The following FHIP1B variants were observed in gnomAD, a reference collection of about 807,000 sequenced individuals.
The protein encoded by FHIP1B is FHF complex subunit HOOK-interacting protein 1B.
Under a neutral mutation model 82.2 loss-of-function variants are expected in FHIP1B, and 28 were observed. The observed-to-expected ratio is 0.34, with a 90% CI of 0.25 to 0.47. The LOEUF (loss-of-function observed/expected upper bound fraction) is 0.47. Ranked by LOEUF, FHIP1B falls within the 20% of genes least tolerant of loss-of-function variation. FHIP1B has a pLI of 1.00. For missense variants in FHIP1B, 1,110 were observed against 1,262.6 expected (o/e 0.88, Z 1.83); for synonymous variants, 585 against 516.1 (o/e 1.13, Z -1.81).
rs59502569 is a variant in FHIP1B, at chr11:6,214,034, GAAAAAAA to G, written c.2557+370_2557+376del. 2.8e-3 allele frequency among the ~76,000 whole-genome samples: 102 copies of G among 36,632 alleles called. No homozygotes were observed. The East Asian group carries it at 0.064, about 23-fold the overall frequency. The allele number at this position is 36,632 out of a possible 152,430, so 24.0% of individuals were successfully genotyped here. On this transcript the variant is annotated intron_variant, in intron 11 of 11. Transcript: ENST00000449352. The stretch of plus-strand genomic sequence containing the variant: ...AACTAAACAGTCCAGGACCTCTCCT[GAAAAAAA>G]AAAAAAAAAAAAAAAAAAAAAAGAT...
chr11:6,214,888 C>A lies in FHIP1B; in HGVS notation c.2239G>T (p.Ala747Ser). 1 of 1,595,452 alleles carries A rather than the reference C, an allele frequency of 6.3e-7. No individual in the cohort carries two copies. ...FTGPFMAVLFAKLENMLQNSV... is the reference protein window; with the variant it reads ...FTGPFMAVLFSKLENMLQNSV... Reference sequence around the variant, plus strand: ...TTCTGCAGCATGTTCTCGAGTTTGGCAAAGAGCACAGCCATGAAGGGGCCT... The same window carrying A: ...TTCTGCAGCATGTTCTCGAGTTTGGAAAAGAGCACAGCCATGAAGGGGCCT... The change falls in exon 10 of 12, where the codon GCC becomes TCC. Residue 747 changes from alanine to serine, a missense_variant. By Grantham distance (99) the Ala-to-Ser change is moderately conservative. Transcript: ENST00000449352.
chr11:6,216,151 G>C (rs894900356), intron 9 of FHIP1B, among the ~76,000 whole-genome samples: 3 of 152,244 alleles, frequency 2.0e-5, no homozygotes, highest in Non-Finnish European at 4.4e-5. Context: ...GAGCTGAAAG[G>C]AACAGAGCAG....
chr11:6,214,990 G>C, intron 9 of FHIP1B, 79 bp from the exon 10 acceptor site: 2 of 1,331,336 alleles, frequency 1.5e-6, no homozygotes, highest in Non-Finnish European at 2.0e-6. Context: ...CCCAAAACAA[G>C]AGACCCCCAC....
intron 6 of FHIP1B, 61 bp downstream of exon 6, chr11:6,222,381 C>A: frequency 6.3e-7 from 1 of 1,585,380 alleles, no homozygotes; most frequent in Non-Finnish European, 8.6e-7. Context: ...CCTCCCAGAA[C>A]AAAGGTCAGA....
rs144159782 is a variant in FHIP1B, at chr11:6,219,936, T to C, written c.1192-886A>G. The stretch of plus-strand genomic sequence containing the variant: ...AAAACACGTGACAGCAGTTCACATT[T>C]TGAATAGCATGGATGTTCAGGAGGC... On this transcript the variant is annotated intron_variant, in intron 6 of 11. Transcript: ENST00000449352. Among the ~76,000 whole-genome samples, 7 of 152,370 alleles carry C rather than the reference T, an allele frequency of 4.6e-5. No individual in the cohort carries two copies. The East Asian group carries it at 1.3e-3, about 29-fold the overall frequency.
Position 6,214,432 on chromosome 11 carries a change from G to A in FHIP1B, c.2536C>T (p.Pro846Ser). The part of the protein sequence containing the change: ...WAEGPAAGPA[P>S]RRSDPLVKSR... ...TCACCTAGGGGATCAGAACGGCGTG[G>A]GGCAGGTCCTGCTGCAGGGCCCTCA... Residue 846 changes from proline (P) to serine (S), a missense_variant, in exon 11 of 12, where the codon CCA becomes TCA. This residue lies in a region of FHIP1B where 147 missense variants were observed against 154.0 expected (regional missense o/e 0.95). Transcript: ENST00000449352. 3 of 1,612,648 alleles carry A rather than the reference G, an allele frequency of 1.9e-6. No individual in the cohort carries two copies. Among genetic ancestry groups the A allele is most frequent in the Non-Finnish European group, 2.5e-6 (3 of 1,179,426 alleles).
intron 11 of FHIP1B, among the ~76,000 whole-genome samples, chr11:6,212,472 C>T (rs1011947490): frequency 2.0e-5 from 3 of 152,108 alleles, no homozygotes; most frequent in Non-Finnish European, 4.4e-5. Context: ...CTCTACTGTC[C>T]CTCCAAAATA....
At chr11:6,212,079 CT>C in intron 11 of FHIP1B, 1 of 522,426 alleles carries the variant, frequency 1.9e-6, no homozygotes. Context: ...GTGAGGAGTT[CT>C]TTCTCACTCC....
chr11:6,225,593 CAAT>C (rs1847541595), intron 1 of FHIP1B, among the ~76,000 whole-genome samples: 1 of 152,130 alleles, frequency 6.6e-6, no homozygotes, highest in African/African-American at 2.4e-5. Flanking sequence ...CCTAGGGACT[CAAT>C]AAATATTCGT....
chr11:6,217,558 C>G lies in FHIP1B; in HGVS notation c.2028G>C (p.Gln676His). 6.2e-7 allele frequency: 1 copy of G among 1,610,128 alleles called. No individual in the cohort carries two copies. Among genetic ancestry groups the G allele is most frequent in the South Asian group, 1.1e-5 (1 of 90,674 alleles). Residue 676 changes from glutamine (Q) to histidine (H), a missense_variant, in exon 9 of 12, where the codon CAG becomes CAC. By Grantham distance (24) the Gln-to-His change is conservative (BLOSUM62 0). Transcript: ENST00000449352. ...ATGCCACCTCTAGCTCCCGGAGCTC[C>G]TGCCCAAAGCCCTCTAGTCCTGCCA... The part of the protein sequence containing the change: ...EGMAGLEGFG[Q>H]ELRELEVALS...
chr11:6,220,554 C>A (rs938092062), intron 6 of FHIP1B, among the ~76,000 whole-genome samples: 1 of 152,120 alleles, frequency 6.6e-6, no homozygotes, highest in East Asian at 1.9e-4. Context: ...ATATACGTTA[C>A]AAAGTCAAGC....
intron 9 of FHIP1B, 185 bp downstream of exon 9, chr11:6,217,186 G>T: frequency 1.4e-6 from 1 of 712,750 alleles, no homozygotes; most frequent in Non-Finnish European, 2.5e-6. Context: ...CATGGAAGAC[G>T]TACAGACAGA....
chr11:6,229,179 T>C (rs1847636971), intron 1 of FHIP1B, among the ~76,000 whole-genome samples: 1 of 152,046 alleles, frequency 6.6e-6, no homozygotes, highest in African/African-American at 2.4e-5. Flanking sequence ...TAATACAGAG[T>C]AGTAGGTAAA....
Position 6,217,895 on chromosome 11 carries a change from C to T in FHIP1B, c.1691G>A (p.Arg564His), listed in dbSNP as rs141687987. Residue 564 changes from arginine (R) to histidine (H), a missense_variant, in exon 9 of 12, where the codon CGC (arginine) becomes CAC (histidine). Physicochemically the swap from Arg to His is conservative, Grantham distance 29. This residue lies in a region of FHIP1B where 418 missense variants were observed against 371.4 expected (regional missense o/e 1.13). Transcript: ENST00000449352. ...YLREARRGVDRCVRACRTWSA... is the reference protein window; with the variant it reads ...YLREARRGVDHCVRACRTWSA... The stretch of plus-strand genomic sequence containing the variant: ...CCAGGTACGGCAGGCTCGGACACAG[C>T]GGTCCACACCACGACGTGCCTCACG... 3.4e-4 allele frequency: 550 copies of T among 1,613,004 alleles called. 3 individuals carry two copies. In the South Asian group the frequency reaches 4.4e-3, roughly 13 times the overall value.
chr11:6,217,136 A>G (rs1289699046), intron 9 of FHIP1B: 4 of 703,732 alleles, frequency 5.7e-6, no homozygotes, highest in African/African-American at 1.7e-5. Context: ...GGACATACAT[A>G]CAAGGCTCAG....
chr11:6,223,219 C>G lies in FHIP1B; in HGVS notation c.797G>C (p.Ser266Thr). 1 of 1,592,202 alleles carries G rather than the reference C, an allele frequency of 6.3e-7. No homozygotes were observed. Among genetic ancestry groups the G allele is most frequent in the Non-Finnish European group, 8.5e-7 (1 of 1,174,982 alleles). ...YFCPVLATGL[S>T]ALYSSLPRKI... The stretch of plus-strand genomic sequence containing the variant: ...TCGAGGCAGTGATGAGTACAGGGCA[C>G]TGAGCCCTGTGGCCAGCACCTATGA... The change falls in exon 4 of 12, where the codon AGT becomes ACT. Residue 266 changes from serine to threonine, a missense_variant. Transcript: ENST00000449352. The surrounding 1 kb of genome is among the most constrained non-coding windows in gnomAD (Gnocchi z 4.8).
chr11:6,222,388 C>A, intron 6 of FHIP1B, 54 bp downstream of exon 6: 2 of 1,595,980 alleles, frequency 1.3e-6, no homozygotes, highest in South Asian at 2.2e-5. Context: ...GAACAAAGGT[C>A]AGAGAAAGAA....
At position 6,224,554 on chromosome 11, in the gene FHIP1B, A is replaced by C. The variant is rs776171605; in HGVS notation, c.-38T>G. 2 of 1,557,250 alleles carry C rather than the reference A, an allele frequency of 1.3e-6. No individual in the cohort carries two copies. The highest frequency in any genetic ancestry group is 2.2e-5 in the East Asian group (1 of 44,520). Reference sequence around the variant, plus strand: ...GCAGGACTGGCAGCCAGAGGCCTACACTCTGAGGATTTGCCAGCTGGAGGT... The same window carrying C: ...GCAGGACTGGCAGCCAGAGGCCTACCCTCTGAGGATTTGCCAGCTGGAGGT... On this transcript the variant is annotated 5_prime_UTR_variant, in exon 2 of 12. Transcript: ENST00000449352.
intron 8 of FHIP1B, 153 bp downstream of exon 8, chr11:6,218,447 C>G (rs566829248): frequency 8.2e-7 from 1 of 1,222,754 alleles, no homozygotes; most frequent in African/African-American, 1.5e-5. Context: ...AGGGTCCTCC[C>G]TGCAAGACAC....
Sources: allele counts gnomAD v4.1 joint callset (sites outside exome capture counted in the v4.1 genomes callset), GRCh38; gene constraint gnomAD v4.1.1; regional missense constraint gnomAD v4.1.1; non-coding constraint Gnocchi (gnomAD v3.1); transcripts MANE v1.5; gene names NCBI Gene and HGNC (gene_info 2026-07-23, HGNC 2026-07-21).